RBFOX1: variants seen among roughly 807,000 people sequenced by gnomAD.
RBFOX1 encodes the protein RNA binding protein fox-1 homolog 1.
A neutral mutation model predicts 57.7 loss-of-function variants in RBFOX1; 8 were observed. The ratio of observed to expected loss-of-function variants is 0.14; its 90% CI spans 0.08 to 0.25. The LOEUF (loss-of-function observed/expected upper bound fraction) is 0.25. Ranked by LOEUF, RBFOX1 falls within the 10% of genes least tolerant of loss-of-function variation. The pLI is 1.00. For synonymous variants in RBFOX1, 326 were observed against 222.4 expected, an observed-to-expected ratio of 1.47 and a Z score of -4.15; for missense variants, 611 against 548.5, an observed-to-expected ratio of 1.11 and a Z score of -1.14.
At chr16:5,621,595 C>A (rs868370989) in intron 3 of RBFOX1, among the ~76,000 whole-genome samples, 5 of 152,108 alleles carry the variant, frequency 3.3e-5, no homozygotes, top group Admixed American at 2.0e-4. Context: ...GTGCTGACTT[C>A]CCCTACGGAA....
intron 4 of RBFOX1, among the ~76,000 whole-genome samples, chr16:7,476,397 A>G (rs1446876054): frequency 6.6e-6 from 1 of 152,224 alleles, no homozygotes; most frequent in African/African-American, 2.4e-5. Flanking sequence ...ATGAGATGAT[A>G]TCTATATAAC....
chr16:6,147,990 A>G (rs1185930653), intron 1 of RBFOX1, among the ~76,000 whole-genome samples: 1 of 152,206 alleles, frequency 6.6e-6, no homozygotes, highest in African/African-American at 2.4e-5. Flanking sequence ...CACTGTTGCC[A>G]TTCTCAGACC....
intron 3 of RBFOX1, among the ~76,000 whole-genome samples, chr16:6,831,774 C>G (rs1472646651): frequency 6.6e-6 from 1 of 152,094 alleles, no homozygotes; most frequent in Non-Finnish European, 1.5e-5. Context: ...ATTTCCACAT[C>G]TTTGGGAAGG....
At chr16:5,814,431 G>A (rs765660086) in intron 3 of RBFOX1, among the ~76,000 whole-genome samples, 9 of 152,180 alleles carry the variant, frequency 5.9e-5, no homozygotes, top group Non-Finnish European at 1.3e-4. Context: ...CCCCAGCAGC[G>A]ACAATAATAA....
chr16:5,477,449 C>T (rs1162293688), intron 2 of RBFOX1, among the ~76,000 whole-genome samples: 1 of 152,202 alleles, frequency 6.6e-6, no homozygotes, highest in Non-Finnish European at 1.5e-5. Flanking sequence ...TGGGGACAGG[C>T]TGCCTTTCCT....
chr16:6,465,792 A>G (rs1285306626), intron 2 of RBFOX1, among the ~76,000 whole-genome samples: 1 of 151,636 alleles, frequency 6.6e-6, no homozygotes, highest in East Asian at 1.9e-4. Context: ...TTTGCAGGAC[A>G]AAAGAAATGC....
At chr16:5,457,438 C>G (rs907150649) in intron 1 of RBFOX1, among the ~76,000 whole-genome samples, 5 of 152,146 alleles carry the variant, frequency 3.3e-5, no homozygotes, top group African/African-American at 1.2e-4. Flanking sequence ...CCCAGCCCAT[C>G]TATCTCTTTT....
chr16:5,902,874 C>T (rs1253261572), intron 4 of RBFOX1, among the ~76,000 whole-genome samples: 2 of 152,140 alleles, frequency 1.3e-5, no homozygotes, highest in Non-Finnish European at 2.9e-5. Flanking sequence ...ATCTGCTGCT[C>T]ACCTCCAAGC....
chr16:6,300,501 G>A (rs2078686774), intron 1 of RBFOX1, among the ~76,000 whole-genome samples: 1 of 152,122 alleles, frequency 6.6e-6, no homozygotes, highest in African/African-American at 2.4e-5. Flanking sequence ...ACCTCACAAA[G>A]TTATTAGCGA....
intron 1 of RBFOX1, among the ~76,000 whole-genome samples, chr16:5,323,318 C>T (rs1422246740): frequency 1.3e-5 from 2 of 152,222 alleles, no homozygotes; most frequent in African/African-American, 4.8e-5. Context: ...TCCCCTTCCT[C>T]TTTTACCATT....
chr16:6,796,926 C>G (rs1469533167), intron 3 of RBFOX1, among the ~76,000 whole-genome samples: 2 of 152,134 alleles, frequency 1.3e-5, no homozygotes, highest in Non-Finnish European at 2.9e-5. Context: ...TTCCACATCT[C>G]AAATTGGAAA....
chr16:5,419,021 G>C (rs1040772881), intron 1 of RBFOX1, among the ~76,000 whole-genome samples: 6 of 152,152 alleles, frequency 3.9e-5, no homozygotes, highest in African/African-American at 1.4e-4. Context: ...GAGCAAGGTG[G>C]GGAAGGTACC....
At chr16:5,462,905 A>G (rs504085) in intron 1 of RBFOX1, among the ~76,000 whole-genome samples, 5,954 of 152,214 alleles carry the variant, frequency 0.039, 252 homozygotes, top group African/African-American at 0.1. Flanking sequence ...TCTGGCCTGA[A>G]TTTTCAATGT....
At chr16:6,247,937 C>G (rs1246806980) in intron 1 of RBFOX1, among the ~76,000 whole-genome samples, 1 of 152,170 alleles carries the variant, frequency 6.6e-6, no homozygotes, top group Non-Finnish European at 1.5e-5. Context: ...GTTAATGGCT[C>G]TGGGATCATC....
chr16:5,368,838 C>T (rs1321886295), intron 1 of RBFOX1, among the ~76,000 whole-genome samples: 1 of 152,156 alleles, frequency 6.6e-6, no homozygotes, highest in East Asian at 1.9e-4. Context: ...CCAAGCATGG[C>T]TGGCTCTTGT....
chr16:6,653,900 G>A (rs36176407), intron 2 of RBFOX1, among the ~76,000 whole-genome samples: 31,445 of 150,882 alleles, frequency 0.21, 3,328 homozygotes, highest in African/African-American at 0.22. Context: ...ATAAAAAGAT[G>A]AATTTGGGTG....
chr16:6,899,122 CAT>C (rs144752554), intron 3 of RBFOX1, among the ~76,000 whole-genome samples: 5,508 of 151,276 alleles, frequency 0.036, 175 homozygotes, highest in African/African-American at 0.086. Context: ...CGTGTTTATG[CAT>C]ATGTGTATAT....
Position 5,897,016 on chromosome 16 carries a change from C to CTTTTTTTTTTTTTTTTTTTTT in RBFOX1, c.351+29691_351+29711dup, listed in dbSNP as rs575235024. Among the ~76,000 whole-genome samples the CTTTTTTTTTTTTTTTTTTTTT allele has an allele frequency of 6.6e-4, 37 of 56,466 alleles. 8 individuals carry two copies. The highest frequency in any genetic ancestry group is 1.3e-3 in the East Asian group (2 of 1,506). 37.0% of individuals were successfully genotyped at this position (56,466 alleles called of 152,430 possible). On this transcript the variant is annotated intron_variant, in intron 4 of 19. Coordinates refer to the RBFOX1 transcript ENST00000641259. ...CCCCCACTAAAAATGTATCCATCCGCTTTTTTTTTTTTTTTTTTTTTTTTT... is the reference window on the plus strand; with the variant it reads ...CCCCCACTAAAAATGTATCCATCCGCTTTTTTTTTTTTTTTTTTTTTTTTTTTTTTTTTTTTTTTTTTTTTT...
chr16:7,337,832 G>A (rs986127182), intron 4 of RBFOX1, among the ~76,000 whole-genome samples: 1 of 152,024 alleles, frequency 6.6e-6, no homozygotes, highest in Admixed American at 6.6e-5. Flanking sequence ...TTACAGGCAC[G>A]TGCCACCACA....
Sources: allele counts gnomAD v4.1 joint callset (sites outside exome capture counted in the v4.1 genomes callset), GRCh38; gene constraint gnomAD v4.1.1; transcripts MANE v1.5; gene names NCBI Gene and HGNC (gene_info 2026-07-23, HGNC 2026-07-21).